The following SYNJ1 variants were observed in gnomAD, a reference collection of about 807,000 sequenced individuals.
SYNJ1 encodes polyphosphatidylinositol phosphatase SYNJ1.
In SYNJ1, 78 loss-of-function variants were observed where a neutral mutation model predicts 168.2. That is an observed-to-expected ratio of 0.46 (90% CI 0.39 to 0.56). The LOEUF (loss-of-function observed/expected upper bound fraction) is 0.56, where lower values mean the gene tolerates loss of function less well. Ranked by LOEUF, SYNJ1 falls within the 20% of genes least tolerant of loss-of-function variation. The pLI, the probability that SYNJ1 is intolerant of heterozygous loss-of-function variation, is 0.00. For synonymous variants in SYNJ1, 539 were observed against 548.6 expected, an observed-to-expected ratio of 0.98 and a Z score of 0.24; for missense variants, 1,303 against 1,597.6, an observed-to-expected ratio of 0.82 and a Z score of 3.14.
At position 32,683,522 on chromosome 21, in the gene SYNJ1, C is replaced by A. The variant is rs539581356; in HGVS notation, c.1200+516G>T. Among the ~76,000 whole-genome samples, 4 of 151,814 alleles carry A rather than the reference C, an allele frequency of 2.6e-5. No individual in the cohort carries two copies. The South Asian group carries it at 8.3e-4, about 31-fold the overall frequency. On this transcript the variant is annotated intron_variant, in intron 10 of 32. Coordinates refer to ENST00000674351, the MANE Select transcript of SYNJ1 (RefSeq NM_203446.3). ...AAGTTGAATTGCATTCATTTTCATT[C>A]TCACTAACTATGGCATTTTCATCTG...
chr21:32,674,470 G>C (rs574616659), intron 13 of SYNJ1, among the ~76,000 whole-genome samples: 2 of 152,132 alleles, frequency 1.3e-5, no homozygotes, highest in Non-Finnish European at 2.9e-5. Context: ...CCCCTCATGA[G>C]AATGGAAAAT....
chr21:32,629,554 C>T lies in SYNJ1; in HGVS notation c.*2251G>A, dbSNP rs943586350. 9 of 152,574 alleles carry T rather than the reference C, an allele frequency of 5.9e-5. No individual in the cohort carries two copies. The highest frequency in any genetic ancestry group is 2.2e-4 in the African/African-American group (9 of 41,432). 9.5% of individuals were successfully genotyped at this position (152,574 alleles called of 1,614,324 possible). A position where few individuals can be genotyped will look rare whatever the true frequency, so the allele number is the denominator to read the frequency against. On this transcript the variant is annotated 3_prime_UTR_variant, in exon 33 of 33. Coordinates refer to ENST00000674351, the MANE Select transcript of SYNJ1 (RefSeq NM_203446.3). Reference sequence around the variant, plus strand: ...CATTCTACATATTCGTAGCCATGAACGCTATTTTTTGATATTCCCTCAATG... The same window carrying T: ...CATTCTACATATTCGTAGCCATGAATGCTATTTTTTGATATTCCCTCAATG...
chr21:32,713,774 C>T (rs1400167794), intron 2 of SYNJ1, among the ~76,000 whole-genome samples: 2 of 151,012 alleles, frequency 1.3e-5, no homozygotes, highest in African/African-American at 2.4e-5. Flanking sequence ...GGATGATTTC[C>T]CATATGTCAA....
At chr21:32,712,865 T>C (rs2042877138) in intron 2 of SYNJ1, among the ~76,000 whole-genome samples, 1 of 151,944 alleles carries the variant, frequency 6.6e-6, no homozygotes, top group Admixed American at 6.6e-5. Context: ...AAATAAACGG[T>C]GGAGATAAAA....
chr21:32,707,283 C>CT (rs367843525), intron 2 of SYNJ1, among the ~76,000 whole-genome samples: 2,844 of 130,572 alleles, frequency 0.022, 68 homozygotes, highest in African/African-American at 0.046. Flanking sequence ...TTTCTTTTTC[C>CT]TTTTTTTTTT....
intron 22 of SYNJ1, 59 bp downstream of exon 22, chr21:32,653,229 C>T: frequency 7.4e-7 from 1 of 1,342,996 alleles, no homozygotes; most frequent in East Asian, 2.3e-5. Context: ...ATAAAAATAT[C>T]ATACCATCTT....
chr21:32,725,999 C>T (rs1299932508), intron 2 of SYNJ1, among the ~76,000 whole-genome samples: 3 of 152,092 alleles, frequency 2.0e-5, no homozygotes, highest in Non-Finnish European at 4.4e-5. Flanking sequence ...ACGACGGAGC[C>T]GAACTACTTT....
Position 32,666,007 on chromosome 21 carries a change from T to G in SYNJ1, c.2081A>C (p.Gln694Pro), listed in dbSNP as rs112307178. The G allele has an allele frequency of 3.7e-6, 6 of 1,613,762 alleles. No individual in the cohort carries two copies. The African/African-American group carries it at 8.0e-5, about 22-fold the overall frequency. ...CFVCSHFAAG[Q>P]SQVKERNEDF... Reference sequence around the variant, plus strand: ...TTCATTTCTTTCTTTGACTTGTGACTGCCCTGCAGCAAAGTGGCTACAGAC... The same window carrying G: ...TTCATTTCTTTCTTTGACTTGTGACGGCCCTGCAGCAAAGTGGCTACAGAC... Residue 694 changes from glutamine (Q) to proline (P), a missense_variant, in exon 17 of 33, where the codon CAG (glutamine) becomes CCG (proline). Physicochemically the swap from Gln to Pro is moderately conservative, Grantham distance 76. This residue lies in a region of SYNJ1 where 920 missense variants were observed against 1,208.8 expected (regional missense o/e 0.76). Coordinates refer to ENST00000674351, the MANE Select transcript of SYNJ1 (RefSeq NM_203446.3).
Position 32,694,977 on chromosome 21 carries a change from A to T in SYNJ1, c.705+80T>A, listed in dbSNP as rs930890153. The T allele has an allele frequency of 7.5e-6, 10 of 1,327,976 alleles. No individual in the cohort carries two copies. The African/African-American group carries it at 1.5e-4, about 20-fold the overall frequency. 82.3% of individuals were successfully genotyped at this position (1,327,976 alleles called of 1,614,324 possible). A position where few individuals can be genotyped will look rare whatever the true frequency, so the allele number is the denominator to read the frequency against. Reference sequence around the variant, plus strand: ...TAGATGTTAAAATAAGCTCCGAATCAAATAAAAATCTGTTATTCTAGTATT... The same window carrying T: ...TAGATGTTAAAATAAGCTCCGAATCTAATAAAAATCTGTTATTCTAGTATT... On this transcript the variant is annotated intron_variant, in intron 5 of 32. Coordinates refer to ENST00000674351, the MANE Select transcript of SYNJ1 (RefSeq NM_203446.3).
At chr21:32,663,098 A>G (rs2040780441) in intron 18 of SYNJ1, among the ~76,000 whole-genome samples, 1 of 152,202 alleles carries the variant, frequency 6.6e-6, no homozygotes, top group African/African-American at 2.4e-5. Flanking sequence ...TAGTCTCTCA[A>G]TGTTGCTTCA....
chr21:32,660,947 C>G (rs2040674552), intron 18 of SYNJ1, among the ~76,000 whole-genome samples: 1 of 152,222 alleles, frequency 6.6e-6, no homozygotes, highest in African/African-American at 2.4e-5. Flanking sequence ...AACTCCCAAA[C>G]TGACTCAGAA....
intron 15 of SYNJ1, among the ~76,000 whole-genome samples, chr21:32,668,092 T>C (rs1393574444): frequency 6.6e-6 from 1 of 151,396 alleles, no homozygotes; most frequent in African/African-American, 2.4e-5. Context: ...TGAGACAGAG[T>C]CTTGCTCTGT....
At chr21:32,667,377 C>T (rs1199498760) in intron 15 of SYNJ1, among the ~76,000 whole-genome samples, 1 of 152,092 alleles carries the variant, frequency 6.6e-6, no homozygotes. Context: ...TTCAAAATTA[C>T]CAACATTTTG....
chr21:32,675,839 A>T (rs2041385799), intron 13 of SYNJ1, among the ~76,000 whole-genome samples: 1 of 152,256 alleles, frequency 6.6e-6, no homozygotes, highest in South Asian at 2.1e-4. Flanking sequence ...ATCATATTTT[A>T]GTGCAAGTCT....
chr21:32,718,435 A>G (rs1166764639), intron 2 of SYNJ1, among the ~76,000 whole-genome samples: 1 of 152,210 alleles, frequency 6.6e-6, no homozygotes, highest in South Asian at 2.1e-4. Flanking sequence ...ACATAAAAAA[A>G]GAAAGAAAAT....
At chr21:32,708,056 T>G (rs113470667) in intron 2 of SYNJ1, among the ~76,000 whole-genome samples, 16 of 152,232 alleles carry the variant, frequency 1.1e-4, no homozygotes, top group African/African-American at 2.9e-4. Flanking sequence ...TTGAAAGTAT[T>G]TGAATGCCCT....
Position 32,634,867 on chromosome 21 carries a change from C to A in SYNJ1, c.3933G>T (p.Gly1311=), listed in dbSNP as rs1416399129. The part of the protein sequence containing the change: ...SSQPQQEQPS[G] ...TTGATAAATTGTCAGATACCTGTTA[C>A]CCTGATGGTTGCTCCTGCTTTGAGA... Residue 1311 remains glycine, a synonymous_variant, in exon 32 of 33, where the codon GGG becomes GGT. Transcript: ENST00000674351. 1 of 1,613,702 alleles carries A rather than the reference C, an allele frequency of 6.2e-7. No homozygotes were observed. Among genetic ancestry groups the A allele is most frequent in the Admixed American group, 1.7e-5 (1 of 60,006 alleles).
chr21:32,728,243 A>C, upstream of SYNJ1: 2 of 592,696 alleles, frequency 3.4e-6, no homozygotes, highest in Non-Finnish European at 5.7e-6. Context: ...GGGAGAGGGA[A>C]GATCTGGCCT....
At position 32,657,063 on chromosome 21, in the gene SYNJ1, G is replaced by C. The variant is rs560413403; in HGVS notation, c.2519C>G (p.Thr840Arg). The C allele has an allele frequency of 3.7e-6, 6 of 1,614,150 alleles. No individual in the cohort carries two copies. Among genetic ancestry groups the C allele is most frequent in the African/African-American group, 1.3e-5 (1 of 75,056 alleles). The change falls in exon 20 of 33, where the codon ACG (threonine) becomes AGG (arginine). Residue 840 changes from threonine (T) to arginine (R), a missense_variant. Physicochemically the swap from Thr to Arg is moderately conservative, Grantham distance 71. Coordinates refer to ENST00000674351, the MANE Select transcript of SYNJ1 (RefSeq NM_203446.3). ...GTGCAGCAAAGTGCCTGGAGTCCAC[G>C]TGTACAGAATTTTGCTTTCATCTTG... ...SFQDESKILY[T>R]WTPGTLLHYG...
Sources: gnomAD v4.1 joint callset for allele counts (sites outside exome capture counted in the v4.1 genomes callset) on GRCh38, gnomAD v4.1.1 for gene constraint, gnomAD v4.1.1 regional missense constraint, MANE v1.5 for transcripts, NCBI Gene and HGNC (gene_info 2026-07-23, HGNC 2026-07-21) for gene names.